The following TAFA5 variants were observed in gnomAD, a reference collection of about 807,000 sequenced individuals.
TAFA5 encodes the protein TAFA chemokine like family member 5.
Under a neutral mutation model 15.3 loss-of-function variants are expected in TAFA5, and 6 were observed. The ratio of observed to expected loss-of-function variants is 0.39; its 90% CI spans 0.21 to 0.77. TAFA5 has a LOEUF of 0.77. Among genes scored for constraint, TAFA5 ranks in the 30% least tolerant of loss-of-function variants. TAFA5 has a pLI of 0.41. For missense variants in TAFA5, 161 were observed against 193.1 expected, an observed-to-expected ratio of 0.83 and a Z score of 0.98; for synonymous variants, 103 against 80.7, an observed-to-expected ratio of 1.28 and a Z score of -1.48.
At chr22:48,685,029 A>G (rs529420143) in intron 2 of TAFA5, among the ~76,000 whole-genome samples, 61 of 152,338 alleles carry the variant, frequency 4.0e-4, no homozygotes, top group African/African-American at 1.4e-3. Flanking sequence ...CATTTTAGGG[A>G]CACAGAAGTT....
intron 1 of TAFA5, chr22:48,576,336 C>T (rs921279830): frequency 6.6e-6 from 8 of 1,210,596 alleles, no homozygotes; most frequent in African/African-American, 3.2e-5. Context: ...GGAGTGGCGC[C>T]TCCAGTCGCG....
intron 1 of TAFA5, among the ~76,000 whole-genome samples, chr22:48,561,646 C>T (rs1216374750): frequency 6.6e-6 from 1 of 152,190 alleles, no homozygotes; most frequent in Admixed American, 6.5e-5. Context: ...GGCAACGCCT[C>T]AAGCCTTGGA....
intron 3 of TAFA5, among the ~76,000 whole-genome samples, chr22:48,708,700 C>T (rs1929159740): frequency 6.6e-6 from 1 of 152,214 alleles, no homozygotes; most frequent in Non-Finnish European, 1.5e-5. Flanking sequence ...TGAGCGTTTC[C>T]CTAACACGGA....
At chr22:48,509,281 C>T (rs1921124084) in intron 1 of TAFA5, among the ~76,000 whole-genome samples, 1 of 152,208 alleles carries the variant, frequency 6.6e-6, no homozygotes, top group Admixed American at 6.5e-5. Context: ...GAGGCTGAGG[C>T]TGCCCTTTTC....
At chr22:48,717,154 A>G (rs983288632) in intron 3 of TAFA5, among the ~76,000 whole-genome samples, 1 of 152,254 alleles carries the variant, frequency 6.6e-6, no homozygotes, top group African/African-American at 2.4e-5. Flanking sequence ...AACATCCCCA[A>G]AACTCAGAGG....
rs544618855 is a variant in TAFA5, at chr22:48,604,735, T to C, written c.113-41862T>C. The stretch of plus-strand genomic sequence containing the variant: ...TTTTTTTTCCATCCTTCCACTCTTA[T>C]AATGTCCTCCAAGGAACAGGAATTT... On this transcript the variant is annotated intron_variant, in intron 1 of 3. Coordinates refer to ENST00000402357, the MANE Select transcript of TAFA5 (RefSeq NM_001082967.3). 2.3e-4 allele frequency among the ~76,000 whole-genome samples: 35 copies of C among 152,266 alleles called. 2 individuals carry two copies. The East Asian group carries it at 6.6e-3, about 29-fold the overall frequency.
chr22:48,560,453 C>A lies in TAFA5; in HGVS notation c.112+70749C>A, dbSNP rs1276650860. Among the ~76,000 whole-genome samples the A allele has an allele frequency of 2.6e-5, 4 of 152,096 alleles. No homozygotes were observed. Among genetic ancestry groups the A allele is most frequent in the African/African-American group, 4.8e-5 (2 of 41,414 alleles). ...AGGCCATCAGGGCCTGGGGCCAGCCCGGGCAAGGACAGTGCCAGCAGGCGC... is the reference window on the plus strand; with the variant it reads ...AGGCCATCAGGGCCTGGGGCCAGCCAGGGCAAGGACAGTGCCAGCAGGCGC... On this transcript the variant is annotated intron_variant, in intron 1 of 3. Transcript: ENST00000402357. This position sits in a 1 kb window ranked among gnomAD's most constrained non-coding sequence, Gnocchi z 4.2.
chr22:48,695,366 G>A (rs1348165682), intron 2 of TAFA5, among the ~76,000 whole-genome samples: 1 of 152,164 alleles, frequency 6.6e-6, no homozygotes, highest in African/African-American at 2.4e-5. Context: ...CTGAGTAAAT[G>A]CCCAAAGATT....
Position 48,670,899 on chromosome 22 carries a change from T to C in TAFA5, c.262+24153T>C, listed in dbSNP as rs553362179. Among the ~76,000 whole-genome samples the C allele has an allele frequency of 1.1e-4, 16 of 152,336 alleles. No homozygotes were observed. The East Asian group carries it at 3.1e-3, about 29-fold the overall frequency. ...GCAGGGAAACACCGTTCCCAAAGCC[T>C]GGGACAGTTGGTGCTAACTTATCTG... On this transcript the variant is annotated intron_variant, in intron 2 of 3. Coordinates refer to ENST00000402357, the MANE Select transcript of TAFA5 (RefSeq NM_001082967.3).
rs373246824 is a variant in TAFA5, at chr22:48,548,568, C to T, written c.112+58864C>T. ...GGACCCCAGGCTCCAGGCTCTGGGG[C>T]AGGGGAGTGGACTGGGGGAGCTTTG... is the stretch of plus-strand genomic sequence containing the variant. On this transcript the variant is annotated intron_variant, in intron 1 of 3. Transcript: ENST00000402357. Among the ~76,000 whole-genome samples, 10 of 152,132 alleles carry T rather than the reference C, an allele frequency of 6.6e-5. No individual in the cohort carries two copies. In the East Asian group the frequency reaches 1.9e-3, roughly 29 times the overall value.
chr22:48,680,873 G>A (rs529177317), intron 2 of TAFA5, among the ~76,000 whole-genome samples: 14 of 152,212 alleles, frequency 9.2e-5, no homozygotes, highest in Non-Finnish European at 1.5e-4. Flanking sequence ...AAGCTGTGTC[G>A]GCTCTCATCT....
chr22:48,607,305 A>C (rs1482228369), intron 1 of TAFA5, among the ~76,000 whole-genome samples: 1 of 136,284 alleles, frequency 7.3e-6, no homozygotes, highest in East Asian at 2.2e-4. Context: ...CTGGGTTCTG[A>C]TTAGGGCTGG....
At chr22:48,681,513 T>G (rs2003739) in intron 2 of TAFA5, among the ~76,000 whole-genome samples, 15,033 of 141,676 alleles carry the variant, frequency 0.11, 924 homozygotes, top group Non-Finnish European at 0.14. Context: ...AAATTAGGCG[T>G]GGGGGTAGGT....
chr22:48,707,930 A>C, intron 3 of TAFA5, 86 bp downstream of exon 3: 2 of 1,519,792 alleles, frequency 1.3e-6, no homozygotes, highest in South Asian at 2.5e-5. Flanking sequence ...CTCCGCGGGG[A>C]CAGGTGGCAG....
At chr22:48,664,546 A>G (rs1927549128) in intron 2 of TAFA5, among the ~76,000 whole-genome samples, 2 of 152,332 alleles carry the variant, frequency 1.3e-5, no homozygotes, top group South Asian at 4.1e-4. Context: ...TATTTCATTG[A>G]CACATCTATA....
chr22:48,612,631 G>A (rs1243589207), intron 1 of TAFA5, among the ~76,000 whole-genome samples: 2 of 151,992 alleles, frequency 1.3e-5, no homozygotes, highest in African/African-American at 4.8e-5. Context: ...CGTTCCCCGC[G>A]TGTCTCCCTT....
chr22:48,737,399 G>A (rs987043557), intron 3 of TAFA5, among the ~76,000 whole-genome samples: 2 of 152,166 alleles, frequency 1.3e-5, no homozygotes, highest in African/African-American at 2.4e-5. Context: ...TTTGAGGAGC[G>A]CCCCTGAGCC....
At position 48,498,057 on chromosome 22, in the gene TAFA5, GGTGGGGCTGC is replaced by G. The variant is rs1285937742; in HGVS notation, c.112+8354_112+8363del. ...GGGTAGGAGAGGCTGCAAGCCTAGG[GGTGGGGCTGC>G]AAGCCTGGGGGCGGGGCTGAAGGGG... On this transcript the variant is annotated intron_variant, in intron 1 of 3. Transcript: ENST00000402357. Among the ~76,000 whole-genome samples, 3 of 18,880 alleles carry G rather than the reference GGTGGGGCTGC, an allele frequency of 1.6e-4. 1 individual carries two copies. Among genetic ancestry groups the G allele is most frequent in the East Asian group, 1.9e-3 (2 of 1,066 alleles). The allele number at this position is 18,880 out of a possible 152,430, so 12.4% of individuals were successfully genotyped here. A position where few individuals can be genotyped will look rare whatever the true frequency, so the allele number is the denominator to read the frequency against.
At chr22:48,722,880 G>A (rs1929611703) in intron 3 of TAFA5, among the ~76,000 whole-genome samples, 1 of 152,184 alleles carries the variant, frequency 6.6e-6, no homozygotes, top group East Asian at 1.9e-4. Flanking sequence ...TGTAGAACTG[G>A]ACGCTGGGCA....
Sources: gnomAD v4.1 joint callset for allele counts (sites outside exome capture counted in the v4.1 genomes callset) on GRCh38, gnomAD v4.1.1 for gene constraint, Gnocchi (gnomAD v3.1) non-coding constraint, MANE v1.5 for transcripts, NCBI Gene and HGNC (gene_info 2026-07-23, HGNC 2026-07-21) for gene names.